USP6: variants seen among roughly 807,000 people sequenced by gnomAD.
USP6 encodes ubiquitin specific peptidase 6, also known as ubiquitin carboxyl-terminal hydrolase 6.
Under a neutral mutation model 175.7 loss-of-function variants are expected in USP6, and 128 were observed. The ratio of observed to expected loss-of-function variants is 0.73; its 90% CI spans 0.63 to 0.84. USP6 has a LOEUF of 0.84. USP6 is among the 40% of genes least tolerant of loss of function. The pLI is 0.00. For synonymous variants in USP6, 562 were observed against 630.6 expected (o/e 0.89, Z 1.63); for missense variants, 1,498 against 1,760.3 (o/e 0.85, Z 2.67).
rs762304063 is a variant in USP6, at chr17:5,155,482, C to G, written c.2704C>G (p.Pro902Ala). 3.7e-6 allele frequency: 6 copies of G among 1,614,062 alleles called. No individual in the cohort carries two copies. Among genetic ancestry groups the G allele is most frequent in the Admixed American group, 1.7e-5 (1 of 60,014 alleles). ...QENRPSLFGM[P>A]LIVPCTVHTR... ...GAATCGCCCCAGCCTCTTTGGAATGCCATTGATTGTTCCATGCACTGTGCA... is the reference window on the plus strand; with the variant it reads ...GAATCGCCCCAGCCTCTTTGGAATGGCATTGATTGTTCCATGCACTGTGCA... The change falls in exon 31 of 38, where the codon CCA becomes GCA. Residue 902 changes from proline (P) to alanine (A), a missense_variant. Pro to Ala is a conservative substitution (Grantham distance 27, BLOSUM62 -1). Around this residue, in one of 2 missense-constraint regions of USP6, gnomAD observed 1,217 missense variants for 1,500.8 expected, o/e 0.81. Transcript: ENST00000574788.
rs776604819 is a variant in USP6 at position 5,144,681 on chromosome 17, T to C, written c.1819-9T>C. 5 of 1,612,414 alleles carry C rather than the reference T, an allele frequency of 3.1e-6. No homozygotes were observed. Among genetic ancestry groups the C allele is most frequent in the Non-Finnish European group, 4.2e-6 (5 of 1,179,528 alleles). ...GAAATAATGACTGTGACTTCTCTTA[T>C]ATTTATAGCGGACCATAGCAAAATA... On this transcript the variant is annotated splice_polypyrimidine_tract_variant and intron_variant, in intron 25 of 37. Coordinates refer to ENST00000574788, the MANE Select transcript of USP6 (RefSeq NM_001304284.2).
intron 5 of USP6, among the ~76,000 whole-genome samples, 143 bp from the exon 6 acceptor site, chr17:5,125,664 ACACACACGCACATG>A (rs1414021733): frequency 1.5e-4 from 20 of 134,230 alleles, no homozygotes; most frequent in Non-Finnish European, 2.4e-4. Context: ...ACAAACACGC[ACACACACGCACATG>A]CACACACACA....
At chr17:5,133,369 C>G in intron 13 of USP6, 74 bp from the exon 14 acceptor site, 1 of 1,481,632 alleles carries the variant, frequency 6.7e-7, no homozygotes, top group Non-Finnish European at 9.4e-7. Flanking sequence ...CTGACAATTT[C>G]CAGAATCCCC....
At chr17:5,131,668 G>A (rs1240874876) in intron 11 of USP6, among the ~76,000 whole-genome samples, 1 of 147,802 alleles carries the variant, frequency 6.8e-6, no homozygotes, top group Non-Finnish European at 1.5e-5. Flanking sequence ...TCACGGTGAG[G>A]CCAGGGAGGC....
chr17:5,119,793 T>A (rs1302199267), intron 2 of USP6, among the ~76,000 whole-genome samples: 1 of 152,220 alleles, frequency 6.6e-6, no homozygotes, highest in East Asian at 1.9e-4. Flanking sequence ...AGCCATCATC[T>A]CAGCTGATAA....
Position 5,148,663 on chromosome 17 carries a change from T to C in USP6, c.2539T>C (p.Cys847Arg), listed in dbSNP as rs771868903. 6.2e-7 allele frequency: 1 copy of C among 1,613,956 alleles called. No homozygotes were observed. The highest frequency in any genetic ancestry group is 1.7e-5 in the Admixed American group (1 of 60,016). Residue 847 changes from cysteine to arginine, a missense_variant, in exon 30 of 38, where the codon TGT (cysteine) becomes CGT (arginine). Cys to Arg is a radical substitution (Grantham distance 180). Transcript: ENST00000574788. ...TGGAATGCCAAACACTGTTGTGCCA[T>C]GTGGAACTGAGAAGAACTTCACAAA... Reference protein sequence around the residue: ...PNGMPNTVVPCGTEKNFTNGM... With the variant: ...PNGMPNTVVPRGTEKNFTNGM...
At chr17:5,136,009 C>G in intron 17 of USP6, 81 bp downstream of exon 17, 1 of 1,590,938 alleles carries the variant, frequency 6.3e-7, no homozygotes, top group Non-Finnish European at 8.5e-7. Context: ...GGCTTTCAGC[C>G]AAGGCACACT....
At position 5,147,221 on chromosome 17, in the gene USP6, A is replaced by G. The variant is rs182723492; in HGVS notation, c.2431+27A>G. On this transcript the variant is annotated intron_variant, in intron 29 of 37. Coordinates refer to ENST00000574788, the MANE Select transcript of USP6 (RefSeq NM_001304284.2). Reference sequence around the variant, plus strand: ...TAAGATAGAACTAGAACTCCTTCTCATGACTGCACCTTTAAATATTTGTCT... The same window carrying G: ...TAAGATAGAACTAGAACTCCTTCTCGTGACTGCACCTTTAAATATTTGTCT... 28 of 1,574,176 alleles carry G rather than the reference A, an allele frequency of 1.8e-5. No homozygotes were observed. In the Admixed American group the frequency reaches 4.7e-4, roughly 26 times the overall value.
rs751838139 is a variant in USP6, at chr17:5,167,959, C to G, written c.3064C>G (p.Gln1022Glu). 7.4e-6 allele frequency: 12 copies of G among 1,611,796 alleles called. No homozygotes were observed. In the East Asian group the frequency reaches 2.5e-4, roughly 33 times the overall value. ...RVVDKHESVE[Q>E]SRRAQAEPIN... ...TGTAGATAAGCATGAGAGTGTGGAGCAGAGTCGGCGAGCGCAAGCCGAGCC... is the reference window on the plus strand; with the variant it reads ...TGTAGATAAGCATGAGAGTGTGGAGGAGAGTCGGCGAGCGCAAGCCGAGCC... The change falls in exon 34 of 38, where the codon CAG becomes GAG. Residue 1022 changes from glutamine to glutamate, a missense_variant. Coordinates refer to ENST00000574788, the MANE Select transcript of USP6 (RefSeq NM_001304284.2).
At chr17:5,168,394 C>G (rs1396066343) in intron 34 of USP6, among the ~76,000 whole-genome samples, 2 of 152,230 alleles carry the variant, frequency 1.3e-5, no homozygotes, top group Non-Finnish European at 2.9e-5. Flanking sequence ...AGAACTGCCA[C>G]AAGGGGTACA....
Position 5,116,115 on chromosome 17 carries a change from G to A in USP6, c.-2553G>A, listed in dbSNP as rs9911000. 0.44 allele frequency among the ~76,000 whole-genome samples: 66,304 copies of A among 152,120 alleles called. 15,113 individuals are homozygous for A. The highest frequency in any genetic ancestry group is 0.51 in the Non-Finnish European group (34,736 of 67,938). ...CCGCTGTGGGAGCTCGTCTCCAGGC[G>A]CCCATCAGTCTTCCCCTCACTCGAC... On this transcript the variant is annotated 5_prime_UTR_variant, in exon 1 of 38. Coordinates refer to ENST00000574788, the MANE Select transcript of USP6 (RefSeq NM_001304284.2).
intron 37 of USP6, among the ~76,000 whole-genome samples, chr17:5,172,543 C>A (rs934631): frequency 0.88 from 133,595 of 152,166 alleles, 58,799 homozygotes; most frequent in South Asian, 0.97. Flanking sequence ...AAAATAAATA[C>A]ATACAAAATA....
At chr17:5,126,820 T>G (rs550844167) in intron 6 of USP6, 2 of 152,388 alleles carry the variant, frequency 1.3e-5, no homozygotes, top group African/African-American at 4.8e-5. Context: ...CTGCAGGACC[T>G]TGGTCCCCCA....
chr17:5,169,889 C>G (rs2144176751), intron 35 of USP6, among the ~76,000 whole-genome samples: 1 of 152,300 alleles, frequency 6.6e-6, no homozygotes, highest in African/African-American at 2.4e-5. Flanking sequence ...TGTACTTTTT[C>G]ATTCCTCAGT....
intron 25 of USP6, among the ~76,000 whole-genome samples, chr17:5,143,049 C>A (rs887230719): frequency 6.6e-6 from 1 of 151,866 alleles, no homozygotes; most frequent in South Asian, 2.1e-4. Context: ...ATCAGCCCCC[C>A]GCCCAGCCAG....
At chr17:5,170,362 TC>T (rs1330944621) in intron 35 of USP6, 116 bp from the exon 36 acceptor site, 21 of 1,451,096 alleles carry the variant, frequency 1.4e-5, no homozygotes, top group Non-Finnish European at 1.8e-5. Context: ...CAGTCATGAC[TC>T]CCCTGTCTTT....
Position 5,170,590 on chromosome 17 carries a change from C to T in USP6, c.3629C>T (p.Pro1210Leu), listed in dbSNP as rs370440191. Reference protein sequence around the residue: ...LGRSKGRLRLPQIGSKNKPSS... With the variant: ...LGRSKGRLRLLQIGSKNKPSS... ...AGGAGCAAAGGGAGGCTCCGGCTGC[C>T]CCAGATTGGCAGCAAAAATAAGCCG... is the stretch of plus-strand genomic sequence containing the variant. Residue 1210 changes from proline to leucine, a missense_variant, in exon 36 of 38, where the codon CCC becomes CTC. Around this residue, in one of 2 missense-constraint regions of USP6, gnomAD observed 1,217 missense variants for 1,500.8 expected, o/e 0.81. Coordinates refer to ENST00000574788, the MANE Select transcript of USP6 (RefSeq NM_001304284.2). 31 of 1,612,564 alleles carry T rather than the reference C, an allele frequency of 1.9e-5. No individual in the cohort carries two copies. In the African/African-American group the frequency reaches 3.5e-4, roughly 18 times the overall value.
In USP6 at chr17:5,146,162, T is replaced by G; in HGVS notation, c.2307T>G (p.Asp769Glu). 3 of 1,609,350 alleles carry G rather than the reference T, an allele frequency of 1.9e-6. No homozygotes were observed. The highest frequency in any genetic ancestry group is 1.1e-5 in the South Asian group (1 of 90,246). ...SEQILLAEVHDSNIKNFPQDN... is the reference protein window; with the variant it reads ...SEQILLAEVHESNIKNFPQDN... ...AAATCCTACTAGCAGAAGTACATGA[T>G]TCCAACATAAAGGTAATGTTAACTA... The change falls in exon 28 of 38, where the codon GAT becomes GAG. Residue 769 changes from aspartate to glutamate, a missense_variant. By Grantham distance (45) the Asp-to-Glu change is conservative. Around this residue, in one of 2 missense-constraint regions of USP6, gnomAD observed 1,217 missense variants for 1,500.8 expected, o/e 0.81. Transcript: ENST00000574788.
intron 15 of USP6, chr17:5,134,214 T>G (rs886486550): frequency 8.8e-5 from 50 of 568,974 alleles, no homozygotes; most frequent in African/African-American, 7.9e-4. Flanking sequence ...AGGAGGATCC[T>G]GAGGAGACAG....
Sources: gnomAD v4.1 joint callset for allele counts (sites outside exome capture counted in the v4.1 genomes callset) on GRCh38, gnomAD v4.1.1 for gene constraint, gnomAD v4.1.1 regional missense constraint, MANE v1.5 for transcripts, NCBI Gene and HGNC (gene_info 2026-07-23, HGNC 2026-07-21) for gene names.